The following KCNC2 variants were observed in gnomAD, a reference collection of about 807,000 sequenced individuals.
KCNC2 encodes the protein voltage-gated potassium channel KCNC2.
A neutral mutation model predicts 44.5 loss-of-function variants in KCNC2; 21 were observed. That is an observed-to-expected ratio of 0.47 (90% CI 0.33 to 0.68). The LOEUF is 0.68. Among genes scored for constraint, KCNC2 ranks in the 30% least tolerant of loss-of-function variants. The pLI, the probability that KCNC2 is intolerant of heterozygous loss-of-function variation, is 0.01. For synonymous variants in KCNC2, 391 were observed against 339.1 expected, an observed-to-expected ratio of 1.15 and a Z score of -1.68; for missense variants, 589 against 826.2, an observed-to-expected ratio of 0.71 and a Z score of 3.52.
intron 2 of KCNC2, among the ~76,000 whole-genome samples, chr12:75,151,271 A>G (rs1043356568): frequency 6.6e-6 from 1 of 152,002 alleles, no homozygotes; most frequent in Non-Finnish European, 1.5e-5. Flanking sequence ...GAAGAGAAAA[A>G]TAAAGTGCTC....
chr12:75,146,431 T>C (rs1890033570), intron 2 of KCNC2, among the ~76,000 whole-genome samples: 1 of 152,344 alleles, frequency 6.6e-6, no homozygotes, highest in South Asian at 2.1e-4. Context: ...TTGCTTTTTA[T>C]GGAACATTTT....
chr12:75,123,241 T>C (rs2137296864), intron 2 of KCNC2, among the ~76,000 whole-genome samples: 1 of 152,276 alleles, frequency 6.6e-6, no homozygotes, highest in African/African-American at 2.4e-5. Flanking sequence ...TTTTACTGCA[T>C]AGATTAAGCC....
intron 2 of KCNC2, among the ~76,000 whole-genome samples, chr12:75,086,660 CAAAAAAAAA>C (rs751242858): frequency 2.9e-4 from 34 of 116,948 alleles, no homozygotes; most frequent in African/African-American, 5.5e-4. Flanking sequence ...GTTCATTTGG[CAAAAAAAAA>C]AAAAAAAAAA....
At chr12:75,054,716 G>T (rs984707226) in intron 2 of KCNC2, among the ~76,000 whole-genome samples, 4 of 152,142 alleles carry the variant, frequency 2.6e-5, no homozygotes, top group Non-Finnish European at 5.9e-5. Flanking sequence ...AAATAAGAAT[G>T]CCAGGTAATA....
intron 2 of KCNC2, among the ~76,000 whole-genome samples, chr12:75,065,745 A>G (rs1398344735): frequency 6.6e-6 from 1 of 152,140 alleles, no homozygotes; most frequent in African/African-American, 2.4e-5. Context: ...TTCACACATA[A>G]CAACAATGAA....
intron 1 of KCNC2, among the ~76,000 whole-genome samples, chr12:75,208,422 C>A (rs2031886853): frequency 6.6e-6 from 1 of 151,396 alleles, no homozygotes; most frequent in South Asian, 2.1e-4. Flanking sequence ...CTTTCTCCCC[C>A]TCCTTTGCCC....
chr12:75,124,999 G>C (rs1367256375), intron 2 of KCNC2: 1 of 152,116 alleles, frequency 6.6e-6, no homozygotes, highest in Non-Finnish European at 1.5e-5. Context: ...CTAGCTATGC[G>C]GGAGGCTGAA....
chr12:75,207,427 G>T lies in KCNC2; in HGVS notation c.557C>A (p.Ala186Glu), dbSNP rs755326940. The T allele has an allele frequency of 6.9e-6, 11 of 1,605,554 alleles. No homozygotes were observed. The highest frequency in any genetic ancestry group is 2.7e-5 in the African/African-American group (2 of 74,672). Residue 186 changes from alanine (A) to glutamate (E), a missense_variant, in exon 2 of 5, where the codon GCG becomes GAG. This residue lies in a region of KCNC2 where 97 missense variants were observed against 73.3 expected (regional missense o/e 1.32). Transcript: ENST00000549446. This position sits in a 1 kb window ranked among gnomAD's most constrained non-coding sequence, Gnocchi z 4.1. Reference protein sequence around the residue: ...GGDPGDDEDLAAKRLGIEDAA... With the variant: ...GGDPGDDEDLEAKRLGIEDAA... ...GTCCTCGATGCCCAGCCTCTTGGCCGCCAGGTCCTCGTCGTCGCCGGGGTC... is the reference window on the plus strand; with the variant it reads ...GTCCTCGATGCCCAGCCTCTTGGCCTCCAGGTCCTCGTCGTCGCCGGGGTC...
intron 2 of KCNC2, among the ~76,000 whole-genome samples, chr12:75,142,631 C>T (rs917877316): frequency 3.3e-5 from 5 of 152,184 alleles, no homozygotes; most frequent in Admixed American, 6.5e-5. Flanking sequence ...CCAGAAGATT[C>T]ACTCATGACT....
intron 2 of KCNC2, among the ~76,000 whole-genome samples, chr12:75,108,163 C>T (rs1205739527): frequency 6.6e-6 from 1 of 152,122 alleles, no homozygotes; most frequent in Non-Finnish European, 1.5e-5. Flanking sequence ...ATGAAATGAA[C>T]TCTCCAAAGC....
chr12:75,084,829 G>A (rs1407894725), intron 2 of KCNC2, among the ~76,000 whole-genome samples: 1 of 151,726 alleles, frequency 6.6e-6, no homozygotes, highest in East Asian at 1.9e-4. Context: ...ATTCATTGAA[G>A]ATATGTATGC....
At chr12:75,163,001 G>T (rs532687817) in intron 2 of KCNC2, among the ~76,000 whole-genome samples, 2 of 151,746 alleles carry the variant, frequency 1.3e-5, no homozygotes, top group South Asian at 2.1e-4. Context: ...CGTAGAAGTG[G>T]ATCTGCAGAT....
intron 2 of KCNC2, among the ~76,000 whole-genome samples, chr12:75,121,492 T>A (rs1307274213): frequency 6.6e-6 from 1 of 151,930 alleles, no homozygotes; most frequent in African/African-American, 2.4e-5. Flanking sequence ...GCTAGGAAAA[T>A]AAATATAGGG....
intron 2 of KCNC2, among the ~76,000 whole-genome samples, chr12:75,064,943 A>ATG (rs571705468): frequency 1.3e-5 from 2 of 151,958 alleles, no homozygotes; most frequent in Admixed American, 6.6e-5. Context: ...TCTACTACAT[A>ATG]TGTGTGTGTG....
intron 2 of KCNC2, among the ~76,000 whole-genome samples, chr12:75,153,398 T>A (rs1271122950): frequency 1.3e-5 from 2 of 151,870 alleles, no homozygotes; most frequent in East Asian, 3.9e-4. Context: ...TTCGGACTTG[T>A]AAGTGGTAGC....
intron 4 of KCNC2, among the ~76,000 whole-genome samples, chr12:75,045,482 A>G (rs1880386000): frequency 6.6e-6 from 1 of 151,924 alleles, no homozygotes. Flanking sequence ...ATTCATGTAC[A>G]TATTTTTTCT....
At chr12:75,043,491 T>C (rs1880152967) in intron 4 of KCNC2, 2 of 1,277,604 alleles carry the variant, frequency 1.6e-6, no homozygotes, top group Non-Finnish European at 2.0e-6. Flanking sequence ...TCCCAGATTA[T>C]AGTTAGCATT....
chr12:75,049,961 T>C (rs1880990749), intron 3 of KCNC2, among the ~76,000 whole-genome samples: 1 of 152,060 alleles, frequency 6.6e-6, no homozygotes, highest in Non-Finnish European at 1.5e-5. Flanking sequence ...TAGGTTGAGA[T>C]GCATGGCACC....
At chr12:75,159,144 A>G (rs1042526945) in intron 2 of KCNC2, among the ~76,000 whole-genome samples, 3 of 151,416 alleles carry the variant, frequency 2.0e-5, no homozygotes, top group African/African-American at 7.3e-5. Context: ...GGGGAGGGAT[A>G]GTATTGGGAG....
Sources: allele counts gnomAD v4.1 joint callset (sites outside exome capture counted in the v4.1 genomes callset), GRCh38; gene constraint gnomAD v4.1.1; regional missense constraint gnomAD v4.1.1; non-coding constraint Gnocchi (gnomAD v3.1); transcripts MANE v1.5; gene names NCBI Gene and HGNC (gene_info 2026-07-23, HGNC 2026-07-21).